NTNG1: variants seen among roughly 807,000 people sequenced by gnomAD.
NTNG1 encodes the protein netrin G1.
Under a neutral mutation model 54.0 loss-of-function variants are expected in NTNG1, and 16 were observed. That is an observed-to-expected ratio of 0.30 (90% confidence interval 0.20 to 0.45). The LOEUF is 0.45. Ranked by LOEUF, NTNG1 falls within the 20% of genes least tolerant of loss-of-function variation. The pLI, the probability that NTNG1 is intolerant of heterozygous loss-of-function variation, is 1.00. For missense variants in NTNG1, 530 were observed against 678.7 expected (o/e 0.78, Z 2.43); for synonymous variants, 255 against 263.1 (o/e 0.97, Z 0.30).
chr1:107,351,994 T>C (rs1669644821), intron 3 of NTNG1, among the ~76,000 whole-genome samples: 1 of 152,252 alleles, frequency 6.6e-6, no homozygotes, highest in African/African-American at 2.4e-5. Flanking sequence ...TAATCTCCTT[T>C]GACTCCATGT....
intron 2 of NTNG1, among the ~76,000 whole-genome samples, chr1:107,199,776 C>T (rs1196668133): frequency 6.6e-6 from 1 of 151,774 alleles, no homozygotes; most frequent in East Asian, 1.9e-4. Flanking sequence ...CAACTCTGGT[C>T]CTCTTAAAGT....
chr1:107,449,428 T>A (rs532192868), intron 7 of NTNG1, among the ~76,000 whole-genome samples: 1 of 151,986 alleles, frequency 6.6e-6, no homozygotes, highest in Non-Finnish European at 1.5e-5. Context: ...TTAGCAATTA[T>A]ACATTTTCGG....
At chr1:107,276,734 G>A (rs1396275632) in intron 2 of NTNG1, among the ~76,000 whole-genome samples, 1 of 151,892 alleles carries the variant, frequency 6.6e-6, no homozygotes, top group African/African-American at 2.4e-5. Context: ...CTAATTGTTC[G>A]ATGAATAAAC....
rs184563052 is a variant in NTNG1 at position 107,149,361 on chromosome 1, G to A, written c.246+522G>A. 1.4e-4 allele frequency among the ~76,000 whole-genome samples: 22 copies of A among 152,262 alleles called. No homozygotes were observed. In the East Asian group the frequency reaches 4.2e-3, roughly 29 times the overall value. On this transcript the variant is annotated intron_variant, in intron 2 of 7. Coordinates refer to ENST00000370068, the MANE Select transcript of NTNG1 (RefSeq NM_001113226.3). ...GGTTAGGAGATCAGCAAGAAAAAAAGTAGAGGAGAGAGGAACTAAAGCCTT... is the reference window on the plus strand; with the variant it reads ...GGTTAGGAGATCAGCAAGAAAAAAAATAGAGGAGAGAGGAACTAAAGCCTT...
chr1:107,336,927 C>A (rs1668614097), intron 3 of NTNG1, among the ~76,000 whole-genome samples: 1 of 151,930 alleles, frequency 6.6e-6, no homozygotes, highest in Admixed American at 6.6e-5. Flanking sequence ...TGAAATACCA[C>A]TTCACACCCG....
intron 3 of NTNG1, among the ~76,000 whole-genome samples, chr1:107,367,443 G>A (rs1233721174): frequency 1.3e-5 from 2 of 151,982 alleles, no homozygotes; most frequent in Non-Finnish European, 2.9e-5. Context: ...TATCATTATG[G>A]CCTAAAAAAC....
chr1:107,470,305 C>A (rs184149252), intron 7 of NTNG1, among the ~76,000 whole-genome samples: 117 of 152,154 alleles, frequency 7.7e-4, no homozygotes, highest in African/African-American at 2.4e-3. Context: ...CTAAAAAAAA[C>A]CCAGCAATTT....
chr1:107,362,008 C>T (rs1328896184), intron 3 of NTNG1, among the ~76,000 whole-genome samples: 1 of 152,066 alleles, frequency 6.6e-6, no homozygotes, highest in African/African-American at 2.4e-5. Context: ...AGGGAGAGCC[C>T]TGAACAACAT....
chr1:107,347,788 G>A (rs1004276200), intron 3 of NTNG1, among the ~76,000 whole-genome samples: 1 of 152,134 alleles, frequency 6.6e-6, no homozygotes, highest in Non-Finnish European at 1.5e-5. Flanking sequence ...GGAGAAGCAG[G>A]CACCTTCTTC....
Position 107,296,958 on chromosome 1 carries a change from G to A in NTNG1, c.247-27324G>A, listed in dbSNP as rs547153334. Among the ~76,000 whole-genome samples, 393 of 148,942 alleles carry A rather than the reference G, an allele frequency of 2.6e-3. 2 individuals carry two copies. The highest frequency in any genetic ancestry group is 9.0e-3 in the African/African-American group (369 of 40,858). Reference sequence around the variant, plus strand: ...TGTGTTCAGTTTTTGTTATCAGAAGGTGATTGTGTAATTACATTAGGGTTG... The same window carrying A: ...TGTGTTCAGTTTTTGTTATCAGAAGATGATTGTGTAATTACATTAGGGTTG... On this transcript the variant is annotated intron_variant, in intron 2 of 7. Coordinates refer to ENST00000370068, the MANE Select transcript of NTNG1 (RefSeq NM_001113226.3).
chr1:107,271,176 A>G (rs1163952595), intron 2 of NTNG1, among the ~76,000 whole-genome samples: 1 of 152,228 alleles, frequency 6.6e-6, no homozygotes, highest in East Asian at 1.9e-4. Context: ...AATCCAAACT[A>G]TATTTTAATT....
intron 2 of NTNG1, among the ~76,000 whole-genome samples, chr1:107,222,743 G>A (rs2101475517): frequency 1.3e-5 from 2 of 151,468 alleles, no homozygotes; most frequent in East Asian, 3.9e-4. Flanking sequence ...AGGAGACAAG[G>A]TAGTGGGCAG....
At chr1:107,299,740 A>T (rs1173926347) in intron 2 of NTNG1, among the ~76,000 whole-genome samples, 1 of 152,136 alleles carries the variant, frequency 6.6e-6, no homozygotes, top group Non-Finnish European at 1.5e-5. Context: ...CATCATTGTG[A>T]TCGCTTTATG....
chr1:107,418,322 G>A (rs1402094684), intron 5 of NTNG1, among the ~76,000 whole-genome samples: 1 of 151,986 alleles, frequency 6.6e-6, no homozygotes, highest in Non-Finnish European at 1.5e-5. Context: ...GTGTGTGTAA[G>A]AACACTCTAC....
intron 2 of NTNG1, among the ~76,000 whole-genome samples, chr1:107,310,219 T>C (rs553034826): frequency 5.3e-5 from 8 of 152,294 alleles, no homozygotes; most frequent in Admixed American, 4.6e-4. Context: ...TCTCTAACAA[T>C]AGATTTTTGC....
intron 3 of NTNG1, among the ~76,000 whole-genome samples, chr1:107,362,604 G>A (rs1464104338): frequency 3.3e-5 from 5 of 152,210 alleles, no homozygotes; most frequent in African/African-American, 9.6e-5. Flanking sequence ...GGAGTCTGAA[G>A]ACCTAGATGT....
chr1:107,254,502 G>A (rs1662808762), intron 2 of NTNG1, among the ~76,000 whole-genome samples: 2 of 152,168 alleles, frequency 1.3e-5, no homozygotes, highest in Admixed American at 6.5e-5. Context: ...AGAGCTCCCC[G>A]GGCTCCTTCT....
intron 2 of NTNG1, among the ~76,000 whole-genome samples, chr1:107,239,112 C>T (rs1013857779): frequency 2.6e-5 from 4 of 151,914 alleles, no homozygotes; most frequent in Admixed American, 6.6e-5. Flanking sequence ...AAATATAATG[C>T]CTAGGATTGT....
intron 5 of NTNG1, among the ~76,000 whole-genome samples, chr1:107,423,759 G>A (rs936841267): frequency 2.0e-5 from 3 of 152,086 alleles, no homozygotes; most frequent in African/African-American, 7.2e-5. Context: ...TGAACTCTCA[G>A]CTAAAATAAT....
Sources: allele counts gnomAD v4.1 joint callset (sites outside exome capture counted in the v4.1 genomes callset), GRCh38; gene constraint gnomAD v4.1.1; transcripts MANE v1.5; gene names NCBI Gene and HGNC (gene_info 2026-07-23, HGNC 2026-07-21).